Variants in AGBL4 observed in about 807,000 individuals in gnomAD.
The protein encoded by AGBL4 is AGBL carboxypeptidase 4.
In AGBL4, 58 loss-of-function variants were observed where a neutral mutation model predicts 66.4. The observed-to-expected ratio is 0.87, with a 90% CI of 0.71 to 1.09. AGBL4 has a LOEUF of 1.09. AGBL4 is among the 50% of genes least tolerant of loss of function. The probability of loss-of-function intolerance (pLI) is 0.00; values close to 1 mark genes in which losing one functional copy is unlikely to be tolerated. For missense variants in AGBL4, 579 were observed against 631.0 expected, an observed-to-expected ratio of 0.92 and a Z score of 0.88; for synonymous variants, 234 against 222.9, an observed-to-expected ratio of 1.05 and a Z score of -0.44.
chr1:49,387,516 T>G (rs1036440519), intron 3 of AGBL4, among the ~76,000 whole-genome samples: 1 of 151,822 alleles, frequency 6.6e-6, no homozygotes, highest in East Asian at 1.9e-4. Context: ...CTTTTCACCA[T>G]GTATGATTCC....
intron 4 of AGBL4, among the ~76,000 whole-genome samples, chr1:49,054,308 C>A (rs996590900): frequency 1.3e-5 from 2 of 151,874 alleles, no homozygotes; most frequent in Non-Finnish European, 2.9e-5. Flanking sequence ...ATTCATGTAA[C>A]CAAAGTAAAG....
intron 8 of AGBL4, among the ~76,000 whole-genome samples, chr1:48,650,296 G>A (rs1557853910): frequency 6.6e-6 from 1 of 152,190 alleles, no homozygotes; most frequent in South Asian, 2.1e-4. Context: ...GAGTCTGCAC[G>A]TCCAGAGGGA....
intron 3 of AGBL4, among the ~76,000 whole-genome samples, chr1:49,644,035 A>T (rs11803906): frequency 2.6e-5 from 4 of 151,658 alleles, no homozygotes; most frequent in African/African-American, 4.8e-5. Context: ...GACAGAATAT[A>T]TGACAAAAAT....
intron 3 of AGBL4, among the ~76,000 whole-genome samples, chr1:49,571,618 A>G (rs560426386): frequency 6.6e-6 from 1 of 152,274 alleles, no homozygotes; most frequent in South Asian, 2.1e-4. Context: ...GTAGACAAGT[A>G]GTGGTGAAAG....
intron 3 of AGBL4, among the ~76,000 whole-genome samples, chr1:49,410,519 C>G (rs1253171857): frequency 6.6e-6 from 1 of 152,148 alleles, no homozygotes; most frequent in Non-Finnish European, 1.5e-5. Context: ...ACAACAGCCA[C>G]AACTTGAGCA....
chr1:49,505,478 A>G (rs1648596790), intron 3 of AGBL4, among the ~76,000 whole-genome samples: 1 of 151,846 alleles, frequency 6.6e-6, no homozygotes, highest in South Asian at 2.1e-4. Flanking sequence ...TCATTTCTGA[A>G]GGATAGCTTT....
At chr1:48,799,455 C>A (rs771403586) in intron 6 of AGBL4, among the ~76,000 whole-genome samples, 1 of 152,148 alleles carries the variant, frequency 6.6e-6, no homozygotes, top group Non-Finnish European at 1.5e-5. Flanking sequence ...GACAGTTTAA[C>A]TCCCTCTTTA....
chr1:48,779,076 C>G (rs1457858720), intron 6 of AGBL4, among the ~76,000 whole-genome samples: 1 of 152,174 alleles, frequency 6.6e-6, no homozygotes, highest in Non-Finnish European at 1.5e-5. Flanking sequence ...AGAATACATT[C>G]CTATGGTGGT....
At chr1:49,833,275 C>G (rs1470381185) in intron 2 of AGBL4, among the ~76,000 whole-genome samples, 1 of 151,886 alleles carries the variant, frequency 6.6e-6, no homozygotes, top group Non-Finnish European at 1.5e-5. Context: ...GCTTGTTTTT[C>G]TCAGGTTTGT....
Position 49,785,893 on chromosome 1 carries a change from AATAT to A in AGBL4, c.157+65499_157+65502del, listed in dbSNP as rs34005960. Among the ~76,000 whole-genome samples, 499 of 140,888 alleles carry A rather than the reference AATAT, an allele frequency of 3.5e-3. 3 individuals carry two copies. The highest frequency in any genetic ancestry group is 9.9e-3 in the African/African-American group (382 of 38,596). The allele number at this position is 140,888 out of a possible 152,430, so 92.4% of individuals were successfully genotyped here. ...ACATGAGAAATCCCAGGAAAAAAAA[AATAT>A]ATATATATATATATATATATTTCCT... On this transcript the variant is annotated intron_variant, in intron 2 of 13. Coordinates refer to ENST00000371839, the MANE Select transcript of AGBL4 (RefSeq NM_032785.4).
intron 5 of AGBL4, among the ~76,000 whole-genome samples, chr1:48,879,627 T>C (rs752322645): frequency 7.2e-5 from 11 of 152,186 alleles, no homozygotes; most frequent in African/African-American, 1.2e-4. Flanking sequence ...CTCATTAAGA[T>C]ATAAAAAATT....
At chr1:48,845,455 A>G (rs1050754600) in intron 6 of AGBL4, among the ~76,000 whole-genome samples, 1 of 152,216 alleles carries the variant, frequency 6.6e-6, no homozygotes, top group Non-Finnish European at 1.5e-5. Flanking sequence ...GTTCTGAAGG[A>G]GCACAGTATG....
At chr1:48,728,049 C>T (rs375137110) in intron 6 of AGBL4, 64 of 1,577,944 alleles carry the variant, frequency 4.1e-5, no homozygotes, top group African/African-American at 1.2e-4. Context: ...ACACTCTAGA[C>T]GGGGAGAAGA....
intron 3 of AGBL4, among the ~76,000 whole-genome samples, chr1:49,302,283 C>T (rs1302467785): frequency 6.6e-6 from 1 of 151,234 alleles, no homozygotes; most frequent in Non-Finnish European, 1.5e-5. Flanking sequence ...GGCGTAGTCT[C>T]ACTCTGTAGT....
chr1:49,753,157 T>C (rs936525357), intron 2 of AGBL4, among the ~76,000 whole-genome samples: 2 of 152,242 alleles, frequency 1.3e-5, no homozygotes, highest in Non-Finnish European at 2.9e-5. Flanking sequence ...AGTTTCTTCA[T>C]AGTGTCAATG....
At chr1:49,938,583 G>C (rs1228144191) in intron 1 of AGBL4, among the ~76,000 whole-genome samples, 1 of 152,154 alleles carries the variant, frequency 6.6e-6, no homozygotes, top group Non-Finnish European at 1.5e-5. Flanking sequence ...GAACATTGAT[G>C]CAAAAATCCT....
rs564631240 is a variant in AGBL4, at chr1:49,843,416, G to A, written c.157+7980C>T. On this transcript the variant is annotated intron_variant, in intron 2 of 13. Transcript: ENST00000371839. ...GGCTGCCCAAAGTGTTAAGATTACA[G>A]GCATGAGGCCCTGTGCCTGGCTAAG... Among the ~76,000 whole-genome samples the A allele has an allele frequency of 2.0e-5, 3 of 152,274 alleles. No individual in the cohort carries two copies. In the South Asian group the frequency reaches 6.2e-4, roughly 32 times the overall value.
intron 2 of AGBL4, among the ~76,000 whole-genome samples, chr1:49,764,514 G>A (rs531123017): frequency 1.3e-5 from 2 of 152,130 alleles, no homozygotes; most frequent in African/African-American, 4.8e-5. Flanking sequence ...TCAACTTTGG[G>A]CTGGCCTGAC....
At chr1:48,737,233 G>A (rs190570027) in intron 6 of AGBL4, among the ~76,000 whole-genome samples, 1 of 152,088 alleles carries the variant, frequency 6.6e-6, no homozygotes, top group African/African-American at 2.4e-5. Flanking sequence ...GCAGTGAGCC[G>A]AGATCGTGCC....
Sources: allele counts gnomAD v4.1 joint callset (sites outside exome capture counted in the v4.1 genomes callset), GRCh38; gene constraint gnomAD v4.1.1; transcripts MANE v1.5; gene names NCBI Gene and HGNC (gene_info 2026-07-23, HGNC 2026-07-21).